TUFT1: variants seen among roughly 807,000 people sequenced by gnomAD.
TUFT1 encodes the protein tuftelin.
A neutral mutation model predicts 57.8 loss-of-function variants in TUFT1; 43 were observed. That is an observed-to-expected ratio of 0.74 (90% CI 0.58 to 0.96). The LOEUF (loss-of-function observed/expected upper bound fraction) is 0.96, where lower values mean the gene tolerates loss of function less well. Ranked by LOEUF, TUFT1 falls within the 40% of genes least tolerant of loss-of-function variation. TUFT1 has a pLI of 0.00. For synonymous variants in TUFT1, 166 were observed against 176.7 expected (o/e 0.94, Z 0.48); for missense variants, 459 against 489.0 (o/e 0.94, Z 0.58).
chr1:151,545,980 C>A, intron 1 of TUFT1: 1 of 299,180 alleles, frequency 3.3e-6, no homozygotes, highest in Non-Finnish European at 7.2e-6. Flanking sequence ...TTTTATCTTT[C>A]TTTCGAATAT....
chr1:151,548,477 A>G (rs1392714882), intron 1 of TUFT1, among the ~76,000 whole-genome samples: 2 of 151,738 alleles, frequency 1.3e-5, no homozygotes, highest in Admixed American at 6.6e-5. Context: ...TAATTTTTGT[A>G]TTTTTAGTAG....
chr1:151,552,449 A>AT (rs1471074579), intron 1 of TUFT1, among the ~76,000 whole-genome samples: 4 of 152,196 alleles, frequency 2.6e-5, no homozygotes, highest in African/African-American at 9.7e-5. Flanking sequence ...CACGCCTTTA[A>AT]TCCCAGCACT....
chr1:151,572,889 C>T (rs1160317155), intron 7 of TUFT1, among the ~76,000 whole-genome samples: 5 of 152,148 alleles, frequency 3.3e-5, no homozygotes, highest in Non-Finnish European at 7.4e-5. Context: ...GTTCTGTTTT[C>T]CCAGGGCTGG....
chr1:151,557,841 G>A (rs576116017), intron 1 of TUFT1: 127 of 744,490 alleles, frequency 1.7e-4, no homozygotes, highest in Middle Eastern at 7.4e-4. Flanking sequence ...GTGCTGTGCC[G>A]CCTGGTGCCG....
intron 1 of TUFT1, among the ~76,000 whole-genome samples, chr1:151,559,476 T>A (rs759864097): frequency 6.6e-6 from 1 of 152,042 alleles, no homozygotes; most frequent in Non-Finnish European, 1.5e-5. Context: ...AGAATAGATA[T>A]TTAAGGCACA....
At chr1:151,569,164 C>G (rs762547842) in intron 6 of TUFT1, among the ~76,000 whole-genome samples, 2 of 152,156 alleles carry the variant, frequency 1.3e-5, no homozygotes, top group African/African-American at 2.4e-5. Flanking sequence ...CCATCAGTAA[C>G]CCTTTATATG....
chr1:151,558,366 A>C (rs1360025316), intron 1 of TUFT1, among the ~76,000 whole-genome samples: 1 of 151,526 alleles, frequency 6.6e-6, no homozygotes, highest in Non-Finnish European at 1.5e-5. Context: ...GGATCCCCTC[A>C]AAGGTTATTT....
At chr1:151,553,899 T>C (rs766185802) in intron 1 of TUFT1, among the ~76,000 whole-genome samples, 6 of 152,220 alleles carry the variant, frequency 3.9e-5, no homozygotes, top group Non-Finnish European at 7.3e-5. Context: ...TCCAGCTCTT[T>C]GATAATGCCT....
chr1:151,544,948 C>T (rs1194929722), intron 1 of TUFT1, among the ~76,000 whole-genome samples: 1 of 152,164 alleles, frequency 6.6e-6, no homozygotes, highest in Non-Finnish European at 1.5e-5. Context: ...TCCCATCCTC[C>T]CAGTGTAATT....
At chr1:151,574,233 TCCACACCA>T in intron 7 of TUFT1, 29 bp from the exon 8 acceptor site, 1 of 1,583,762 alleles carries the variant, frequency 6.3e-7, no homozygotes, top group African/African-American at 1.4e-5. Flanking sequence ...TGCTCTTTTT[TCCACACCA>T]TTTAACATAT....
At chr1:151,578,239 AT>A (rs1442635405) in intron 9 of TUFT1, among the ~76,000 whole-genome samples, 2 of 152,150 alleles carry the variant, frequency 1.3e-5, no homozygotes, top group East Asian at 3.8e-4. Context: ...AGAATGACTT[AT>A]CCCTTCTAAC....
At position 151,582,174 on chromosome 1, in the gene TUFT1, AAACT is replaced by A; in HGVS notation, c.*468_*471del. ...CAAACACAGCTCAGTTCTTAGCAAC[AAACT>A]GTTTGTTTTTCTACTTGCTCCATCT... On this transcript the variant is annotated 3_prime_UTR_variant, in exon 13 of 13. Coordinates refer to ENST00000368849, the MANE Select transcript of TUFT1 (RefSeq NM_020127.3). 1 of 457,926 alleles carries A rather than the reference AAACT, an allele frequency of 2.2e-6. No homozygotes were observed. The highest frequency in any genetic ancestry group is 2.0e-5 in the African/African-American group (1 of 50,016). 28.4% of individuals were successfully genotyped at this position (457,926 alleles called of 1,614,324 possible).
intron 1 of TUFT1, among the ~76,000 whole-genome samples, chr1:151,553,280 TG>T (rs1665568032): frequency 6.6e-6 from 1 of 152,084 alleles, no homozygotes; most frequent in Admixed American, 6.6e-5. Context: ...GTAGTAGAGA[TG>T]GGGTTTCGCC....
At chr1:151,540,499 G>A (rs1665125954) in intron 1 of TUFT1, 73 bp downstream of exon 1, 2 of 1,569,306 alleles carry the variant, frequency 1.3e-6, no homozygotes, top group Admixed American at 1.7e-5. Flanking sequence ...TCCGTGCCCC[G>A]CGCCGTGTTG....
intron 6 of TUFT1, among the ~76,000 whole-genome samples, chr1:151,566,845 A>G (rs1413293502): frequency 1.3e-5 from 2 of 151,930 alleles, no homozygotes; most frequent in Admixed American, 6.6e-5. Flanking sequence ...ATGTCAGTAC[A>G]TATAGATCTA....
intron 1 of TUFT1, among the ~76,000 whole-genome samples, chr1:151,549,322 G>A (rs1015197495): frequency 1.3e-5 from 2 of 152,204 alleles, no homozygotes; most frequent in Non-Finnish European, 2.9e-5. Context: ...GCAGAGAGGA[G>A]CCCCAGGATT....
intron 1 of TUFT1, among the ~76,000 whole-genome samples, chr1:151,549,354 G>T (rs1029960279): frequency 1.3e-5 from 2 of 152,158 alleles, no homozygotes; most frequent in African/African-American, 4.8e-5. Flanking sequence ...TCTGGGTTGG[G>T]GGTGCAGGCC....
intron 1 of TUFT1, among the ~76,000 whole-genome samples, chr1:151,544,049 C>T (rs1347025595): frequency 6.7e-6 from 1 of 148,404 alleles, no homozygotes; most frequent in African/African-American, 2.5e-5. Context: ...GTGGTGTGAT[C>T]ATAGCTCACT....
chr1:151,579,543 T>C, intron 10 of TUFT1, 106 bp from the exon 11 acceptor site: 2 of 1,013,084 alleles, frequency 2.0e-6, no homozygotes, highest in Non-Finnish European at 3.0e-6. Flanking sequence ...TGAAGTCATA[T>C]GGAGTTGCAG....
Sources: allele counts gnomAD v4.1 joint callset (sites outside exome capture counted in the v4.1 genomes callset), GRCh38; gene constraint gnomAD v4.1.1; transcripts MANE v1.5; gene names NCBI Gene and HGNC (gene_info 2026-07-23, HGNC 2026-07-21).